The following AFG1L variants were observed in gnomAD, a reference collection of about 807,000 sequenced individuals.
AFG1L encodes AFG1-like ATPase.
AFG1L carries 53 observed loss-of-function variants against 62.2 expected under a neutral mutation model. That is an observed-to-expected ratio of 0.85 (90% confidence interval 0.68 to 1.07). The LOEUF is 1.07. Ranked by LOEUF, AFG1L falls within the 50% of genes least tolerant of loss-of-function variation. The probability of loss-of-function intolerance (pLI) is 0.00; values close to 1 mark genes in which losing one functional copy is unlikely to be tolerated. For synonymous variants in AFG1L, 228 were observed against 210.3 expected (o/e 1.08, Z -0.73); for missense variants, 555 against 590.5 (o/e 0.94, Z 0.62).
chr6:108,450,807 T>C (rs1014472857), intron 8 of AFG1L, among the ~76,000 whole-genome samples: 1 of 152,024 alleles, frequency 6.6e-6, no homozygotes, highest in Non-Finnish European at 1.5e-5. Context: ...CAGTTTCAGC[T>C]TTCTACATAT....
At chr6:108,422,497 A>AAAAAAAAAG (rs1554196482) in intron 7 of AFG1L, among the ~76,000 whole-genome samples, 2 of 147,816 alleles carry the variant, frequency 1.4e-5, no homozygotes, top group African/African-American at 2.5e-5. Context: ...AAAAAAAAAA[A>AAAAAAAAAG]AAGAAGAAGA....
chr6:108,340,077 AT>A (rs1336724148), intron 2 of AFG1L, among the ~76,000 whole-genome samples: 34 of 147,198 alleles, frequency 2.3e-4, no homozygotes, highest in Non-Finnish European at 4.3e-4. Flanking sequence ...TCTGGTAACC[AT>A]CCTTCTACTT....
intron 6 of AFG1L, among the ~76,000 whole-genome samples, chr6:108,398,003 T>C (rs1031084044): frequency 6.6e-6 from 1 of 152,142 alleles, no homozygotes; most frequent in Non-Finnish European, 1.5e-5. Flanking sequence ...TAGTAGCTCT[T>C]TTTTTAGTGT....
At chr6:108,442,666 T>C (rs577864874) in intron 7 of AFG1L, among the ~76,000 whole-genome samples, 2 of 152,316 alleles carry the variant, frequency 1.3e-5, no homozygotes, top group African/African-American at 4.8e-5. Flanking sequence ...TGTTATTTTA[T>C]GCTAATCAAA....
At chr6:108,324,071 G>C in intron 2 of AFG1L, 23 bp downstream of exon 2, 1 of 1,527,832 alleles carries the variant, frequency 6.5e-7, no homozygotes, top group East Asian at 2.3e-5. Context: ...TGATATGAAA[G>C]ATTAAACAGT....
chr6:108,297,178 C>T (rs1243545803), intron 1 of AFG1L, among the ~76,000 whole-genome samples: 1 of 152,110 alleles, frequency 6.6e-6, no homozygotes, highest in Non-Finnish European at 1.5e-5. Context: ...ACAATCTCGG[C>T]TCACTGCAAC....
intron 7 of AFG1L, among the ~76,000 whole-genome samples, chr6:108,405,415 A>G (rs548440707): frequency 1.8e-3 from 277 of 152,272 alleles, no homozygotes; most frequent in Middle Eastern, 3.4e-3. Context: ...GCACAATCAT[A>G]GCTTACTGCA....
chr6:108,421,558 G>T (rs1022065165), intron 7 of AFG1L, among the ~76,000 whole-genome samples: 2 of 152,058 alleles, frequency 1.3e-5, no homozygotes, highest in Admixed American at 1.3e-4. Context: ...ATTGTGGCTT[G>T]GCAGCATAAA....
chr6:108,324,018 C>T lies in AFG1L; in HGVS notation c.333C>T (p.Tyr111=), dbSNP rs1027684664. 3 of 1,613,058 alleles carry T rather than the reference C, an allele frequency of 1.9e-6. No homozygotes were observed. The highest frequency in any genetic ancestry group is 2.7e-5 in the African/African-American group (2 of 74,886). The change falls in exon 2 of 13, where the codon TAC becomes TAT. Residue 111 remains tyrosine, a synonymous_variant. Coordinates refer to ENST00000368977, the MANE Select transcript of AFG1L (RefSeq NM_145315.5). ...LQKLHEDLKG[Y]NIEAEGLFSK... ...AATTACACGAGGACCTTAAAGGATA[C>T]AATATAGAGGCAGAAGGCCTTTTTT...
chr6:108,441,712 A>AAATATATATATAT lies in AFG1L; in HGVS notation c.808-5501_808-5500insATATATATATATA, dbSNP rs1401294615. On this transcript the variant is annotated intron_variant, in intron 7 of 12. Coordinates refer to ENST00000368977, the MANE Select transcript of AFG1L (RefSeq NM_145315.5). Reference sequence around the variant, plus strand: ...ATCTGAGGTTTATTTAAAAAAAAAAAATATATATATATATATATAAACTGA... The same window carrying AAATATATATATAT: ...ATCTGAGGTTTATTTAAAAAAAAAAAAATATATATATATATATATATATATATATATAAACTGA... 2.5e-3 allele frequency among the ~76,000 whole-genome samples: 345 copies of AAATATATATATAT among 139,470 alleles called. 1 individual carries two copies. Among genetic ancestry groups the AAATATATATATAT allele is most frequent in the South Asian group, 3.9e-3 (17 of 4,334 alleles). 91.5% of individuals were successfully genotyped at this position (139,470 alleles called of 152,430 possible). A position where few individuals can be genotyped will look rare whatever the true frequency, so the allele number is the denominator to read the frequency against.
chr6:108,441,712 A>AAAAAATATATATATAT (rs1401294615), intron 7 of AFG1L, among the ~76,000 whole-genome samples: 2 of 139,486 alleles, frequency 1.4e-5, no homozygotes, highest in African/African-American at 5.7e-5. Flanking sequence ...AAAAAAAAAA[A>AAAAAATATATATATAT]ATATATATAT....
chr6:108,309,429 C>G (rs1400287754), intron 1 of AFG1L, among the ~76,000 whole-genome samples: 1 of 152,174 alleles, frequency 6.6e-6, no homozygotes, highest in Non-Finnish European at 1.5e-5. Flanking sequence ...AGTCCTCCAA[C>G]TTTGTTCTTT....
intron 10 of AFG1L, among the ~76,000 whole-genome samples, chr6:108,486,317 A>G (rs922932476): frequency 6.6e-6 from 1 of 152,082 alleles, no homozygotes; most frequent in Non-Finnish European, 1.5e-5. Flanking sequence ...ATAGAGTATG[A>G]TTTGCCATTT....
intron 11 of AFG1L, among the ~76,000 whole-genome samples, chr6:108,514,565 G>A (rs1774800287): frequency 6.6e-6 from 1 of 152,274 alleles, no homozygotes; most frequent in South Asian, 2.1e-4. Flanking sequence ...AAAGACCATC[G>A]AGCCTAGGAA....
intron 10 of AFG1L, among the ~76,000 whole-genome samples, chr6:108,478,863 CAGGAACCAAAAT>C (rs1483186156): frequency 6.6e-5 from 10 of 152,106 alleles, no homozygotes; most frequent in Admixed American, 2.0e-4. Context: ...GGCCACTTAT[CAGGAACCAAAAT>C]CTTCAGTTTA....
intron 7 of AFG1L, among the ~76,000 whole-genome samples, chr6:108,427,839 G>A (rs1770895984): frequency 1.3e-5 from 2 of 152,074 alleles, no homozygotes; most frequent in Non-Finnish European, 2.9e-5. Context: ...GAATTTCTAG[G>A]TCAAAGGCTC....
At chr6:108,517,744 A>T (rs563424913) in intron 11 of AFG1L, among the ~76,000 whole-genome samples, 1 of 152,374 alleles carries the variant, frequency 6.6e-6, no homozygotes, top group South Asian at 2.1e-4. Context: ...AAAATTTTGC[A>T]ATCTACTCAT....
At chr6:108,408,078 T>C (rs1476482249) in intron 7 of AFG1L, among the ~76,000 whole-genome samples, 3 of 152,144 alleles carry the variant, frequency 2.0e-5, no homozygotes, top group African/African-American at 7.2e-5. Context: ...AAATTTTATT[T>C]TGGCAAGTGG....
chr6:108,485,744 C>T (rs1399609862), intron 10 of AFG1L, among the ~76,000 whole-genome samples: 2 of 133,286 alleles, frequency 1.5e-5, no homozygotes, highest in East Asian at 2.3e-4. Context: ...GATCACTGCT[C>T]ACTGCAACCT....
Sources: gnomAD v4.1 joint callset for allele counts (sites outside exome capture counted in the v4.1 genomes callset) on GRCh38, gnomAD v4.1.1 for gene constraint, MANE v1.5 for transcripts, NCBI Gene and HGNC (gene_info 2026-07-23, HGNC 2026-07-21) for gene names.